GAL3ST4: variants seen among roughly 807,000 people sequenced by gnomAD.
GAL3ST4 encodes beta-galactose-3-O-sulfotransferase 4.
GAL3ST4 carries 30 observed loss-of-function variants against 31.6 expected under a neutral mutation model. The ratio of observed to expected loss-of-function variants is 0.95; its 90% CI spans 0.71 to 1.29. GAL3ST4 has a LOEUF of 1.29. Ranked by LOEUF, GAL3ST4 falls within the 50% of genes most tolerant of loss-of-function variation. The probability of loss-of-function intolerance (pLI) is 0.00; values close to 1 mark genes in which losing one functional copy is unlikely to be tolerated. For missense variants in GAL3ST4, 629 were observed against 625.2 expected (o/e 1.01, Z -0.06); for synonymous variants, 248 against 256.9 (o/e 0.97, Z 0.33).
chr7:100,163,054 G>A (rs1262047616), intron 3 of GAL3ST4, among the ~76,000 whole-genome samples: 1 of 152,174 alleles, frequency 6.6e-6, no homozygotes, highest in Non-Finnish European at 1.5e-5. Flanking sequence ...GTGCCTGGGA[G>A]GGGGCATCAC....
At chr7:100,164,614 G>T (rs1053017132) in intron 3 of GAL3ST4, among the ~76,000 whole-genome samples, 1 of 151,972 alleles carries the variant, frequency 6.6e-6, no homozygotes, top group Non-Finnish European at 1.5e-5. Flanking sequence ...AGCTGAGATC[G>T]TGCCACTGCA....
intron 3 of GAL3ST4, among the ~76,000 whole-genome samples, chr7:100,164,648 G>A (rs976524309): frequency 1.3e-5 from 2 of 151,910 alleles, no homozygotes; most frequent in African/African-American, 4.8e-5. Flanking sequence ...GAAAGAGCAA[G>A]ACTCTGTCTC....
At chr7:100,165,736 G>A (rs1354683359) in intron 3 of GAL3ST4, among the ~76,000 whole-genome samples, 2 of 151,264 alleles carry the variant, frequency 1.3e-5, no homozygotes, top group East Asian at 2.0e-4. Context: ...TGAGAGGATC[G>A]CTTGAGCCCA....
chr7:100,159,926 G>A lies in GAL3ST4; in HGVS notation c.*2C>T. ...CTTCCACCTAAATCTGTAGTCTGAT[G>A]TTTATGGGGAGAGTGGCCTTGAAGT... On this transcript the variant is annotated 3_prime_UTR_variant, in exon 4 of 4. Coordinates refer to ENST00000360039, the MANE Select transcript of GAL3ST4 (RefSeq NM_024637.5). 6.3e-7 allele frequency: 1 copy of A among 1,595,542 alleles called. No individual in the cohort carries two copies. The highest frequency in any genetic ancestry group is 1.7e-4 in the Middle Eastern group (1 of 5,976).
At chr7:100,161,890 A>G (rs1799008950) in intron 3 of GAL3ST4, among the ~76,000 whole-genome samples, 1 of 151,932 alleles carries the variant, frequency 6.6e-6, no homozygotes, top group Non-Finnish European at 1.5e-5. Context: ...ATGTGTTCTC[A>G]CTCATAAGTA....
chr7:100,161,595 G>A (rs918460782), intron 3 of GAL3ST4, among the ~76,000 whole-genome samples: 2 of 149,502 alleles, frequency 1.3e-5, no homozygotes, highest in African/African-American at 2.5e-5. Context: ...AGGTTGCAGT[G>A]AGCTGAGATC....
At chr7:100,161,098 A>T (rs1781005758) in intron 3 of GAL3ST4, 139 bp from the exon 4 acceptor site, 1 of 689,074 alleles carries the variant, frequency 1.5e-6, no homozygotes, top group Non-Finnish European at 2.3e-6. Flanking sequence ...AGCTTCCATC[A>T]CTTGCTGAGT....
In GAL3ST4 at chr7:100,160,901, G is replaced by A. The variant is rs1365692449; in HGVS notation, c.488C>T (p.Ala163Val). 6.2e-7 allele frequency: 1 copy of A among 1,613,994 alleles called. No individual in the cohort carries two copies. The highest frequency in any genetic ancestry group is 8.5e-7 in the Non-Finnish European group (1 of 1,179,948). The change falls in exon 4 of 4, where the codon GCT becomes GTT. Residue 163 changes from alanine to valine, a missense_variant. Coordinates refer to ENST00000360039, the MANE Select transcript of GAL3ST4 (RefSeq NM_024637.5). ...GTAGGAGAAGGCAGAGCGAGCCAGA[G>A]CCGCTGGGTCTCGGACAATGGAAAA... Reference protein sequence around the residue: ...FFFSIVRDPAALARSAFSYYK... With the variant: ...FFFSIVRDPAVLARSAFSYYK...
intron 3 of GAL3ST4, among the ~76,000 whole-genome samples, chr7:100,164,371 C>G (rs886184747): frequency 2.6e-5 from 4 of 151,952 alleles, no homozygotes; most frequent in Admixed American, 2.0e-4. Flanking sequence ...TCCTTTAAAA[C>G]CCCCCGCTCT....
rs1425916844 is a variant in GAL3ST4 at position 100,168,001 on chromosome 7, G to GACAC, written c.-189+544_-189+545insGTGT. Reference sequence around the variant, plus strand: ...GGCTGGAGAGGGAGACAGAAAGAGAGAGAGACACACACACACACACACACA... The same window carrying GACAC: ...GGCTGGAGAGGGAGACAGAAAGAGAGACACAGAGACACACACACACACACACACA... On this transcript the variant is annotated intron_variant, in intron 1 of 3. Coordinates refer to ENST00000360039, the MANE Select transcript of GAL3ST4 (RefSeq NM_024637.5). This position sits in a 1 kb window ranked among gnomAD's most constrained non-coding sequence, Gnocchi z 4.1. The GACAC allele has an allele frequency of 2.9e-4, 34 of 116,234 alleles. No homozygotes were observed. The highest frequency in any genetic ancestry group is 5.7e-4 in the South Asian group (2 of 3,490). The allele number at this position is 116,234 out of a possible 1,614,324, so 7.2% of individuals were successfully genotyped here. A position where few individuals can be genotyped will look rare whatever the true frequency, so the allele number is the denominator to read the frequency against.
chr7:100,166,015 A>G (rs547979207), intron 3 of GAL3ST4, among the ~76,000 whole-genome samples: 1 of 152,172 alleles, frequency 6.6e-6, no homozygotes, highest in Admixed American at 6.5e-5. Context: ...AAAATTAAAA[A>G]GTAGCCACGT....
intron 3 of GAL3ST4, among the ~76,000 whole-genome samples, chr7:100,165,819 T>TCTCTCACACA (rs769054157): frequency 7.3e-6 from 1 of 136,284 alleles, no homozygotes; most frequent in African/African-American, 2.8e-5. Context: ...AGACCCTGTC[T>TCTCTCACACA]CACACACACA....
chr7:100,163,101 A>G (rs1055188288), intron 3 of GAL3ST4, among the ~76,000 whole-genome samples: 21 of 152,220 alleles, frequency 1.4e-4, no homozygotes, highest in African/African-American at 5.1e-4. Flanking sequence ...CATCTCGGGC[A>G]TAGGCAGCAG....
At chr7:100,165,817 T>TCA (rs1491177370) in intron 3 of GAL3ST4, among the ~76,000 whole-genome samples, 3 of 55,254 alleles carry the variant, frequency 5.4e-5, no homozygotes, top group South Asian at 1.3e-3. Flanking sequence ...TGAGACCCTG[T>TCA]CTCACACACA....
Position 100,160,911 on chromosome 7 carries a change from C to G in GAL3ST4, c.478G>C (p.Asp160His). 1 of 1,608,018 alleles carries G rather than the reference C, an allele frequency of 6.2e-7. No homozygotes were observed. Among genetic ancestry groups the G allele is most frequent in the Admixed American group, 1.7e-5 (1 of 58,340 alleles). Residue 160 changes from aspartate (D) to histidine (H), a missense_variant, in exon 4 of 4, where the codon GAC (aspartate) becomes CAC (histidine). Physicochemically the swap from Asp to His is moderately conservative, Grantham distance 81. Transcript: ENST00000360039. The part of the protein sequence containing the change: ...SDSFFFSIVR[D>H]PAALARSAFS... ...GCAGAGCGAGCCAGAGCCGCTGGGT[C>G]TCGGACAATGGAAAAAAAGAAGCTG...
rs751414314 is a variant in GAL3ST4 at position 100,166,762 on chromosome 7, G to A, written c.169C>T (p.Arg57Ter). The part of the protein sequence containing the change: ...QLRQPSAPSL[R>*]PALPSCPPRQ... ...GGTGGGCAGGACGGAAGGGCTGGTC[G>A]TAGGGATGGGGCCGAGGGCTGTCGG... Residue 57 changes from arginine (R) to a stop codon, truncating the protein, a stop_gained, in exon 3 of 4, where the codon CGA becomes TGA. Transcript: ENST00000360039. LOFTEE classifies it high-confidence loss of function. The A allele has an allele frequency of 1.2e-5, 20 of 1,612,914 alleles. 1 individual carries two copies. The East Asian group carries it at 1.8e-4, about 14-fold the overall frequency.
At position 100,160,301 on chromosome 7, in the gene GAL3ST4, T is replaced by C. The variant is rs533248969; in HGVS notation, c.1088A>G (p.Asn363Ser). 1 of 1,613,872 alleles carries C rather than the reference T, an allele frequency of 6.2e-7. No individual in the cohort carries two copies. Among genetic ancestry groups the C allele is most frequent in the Non-Finnish European group, 8.5e-7 (1 of 1,179,876 alleles). ...RQLTARARAW[N>S]NLDWALYVHF... ...GACATAGAGAGCCCAGTCCAGGTTG[T>C]TCCAGGCTCGGGCCCGTGCAGTCAG... is the stretch of plus-strand genomic sequence containing the variant. Residue 363 changes from asparagine (N) to serine (S), a missense_variant, in exon 4 of 4, where the codon AAC becomes AGC. Coordinates refer to ENST00000360039, the MANE Select transcript of GAL3ST4 (RefSeq NM_024637.5).
chr7:100,165,180 T>C (rs1259111133), intron 3 of GAL3ST4, among the ~76,000 whole-genome samples: 1 of 151,604 alleles, frequency 6.6e-6, no homozygotes, highest in Non-Finnish European at 1.5e-5. Context: ...GGCCTTTTTT[T>C]TCTTTTGTGA....
At position 100,160,640 on chromosome 7, in the gene GAL3ST4, C is replaced by T. The variant is rs752625557; in HGVS notation, c.749G>A (p.Arg250Gln). The change falls in exon 4 of 4, where the codon CGA becomes CAA. Residue 250 changes from arginine to glutamine, a missense_variant. Transcript: ENST00000360039. ...LQVLPSGAGP[R>Q]AQTLNPNALI... is the part of the protein sequence containing the mutation. ...GGCATTGGGATTGAGGGTTTGGGCT[C>T]GAGGGCCAGCACCAGAAGGCAAGAC... 38 of 1,613,622 alleles carry T rather than the reference C, an allele frequency of 2.4e-5. No homozygotes were observed. Among genetic ancestry groups the T allele is most frequent in the Admixed American group, 1.2e-4 (7 of 59,988 alleles).
Sources: allele counts gnomAD v4.1 joint callset (sites outside exome capture counted in the v4.1 genomes callset), GRCh38; gene constraint gnomAD v4.1.1; non-coding constraint Gnocchi (gnomAD v3.1); transcripts MANE v1.5; gene names NCBI Gene and HGNC (gene_info 2026-07-23, HGNC 2026-07-21).